Variants in FCRLB observed in about 807,000 individuals in gnomAD.
FCRLB encodes Fc receptor like B.
FCRLB carries 34 observed loss-of-function variants against 33.6 expected under a neutral mutation model. That is an observed-to-expected ratio of 1.01 (90% CI 0.77 to 1.35). FCRLB has a LOEUF of 1.35. Ranked by LOEUF, FCRLB falls within the 40% of genes most tolerant of loss-of-function variation. The pLI, the probability that FCRLB is intolerant of heterozygous loss-of-function variation, is 0.00. For synonymous variants in FCRLB, 280 were observed against 255.9 expected (o/e 1.09, Z -0.90); for missense variants, 560 against 580.2 (o/e 0.97, Z 0.36).
At chr1:161,727,742 A>C (rs1683651330) in exon 8 of FCRLB, 1 of 1,449,994 alleles carries the variant, frequency 6.9e-7, no homozygotes, top group South Asian at 1.4e-5. Context: ...TTTCAAAGCC[A>C]TCTGTTTGCA....
chr1:161,726,921 T>C lies in FCRLB; in HGVS notation c.793T>C (p.Tyr265His). The change falls in exon 7 of 8, where the codon TAC (tyrosine) becomes CAC (histidine). Residue 265 changes from tyrosine (Y) to histidine (H), a missense_variant. Transcript: ENST00000367948. This position sits in a 1 kb window ranked among gnomAD's most constrained non-coding sequence, Gnocchi z 5.2. ...GCCCGAGGTCGAGGAGCTCGAATCG[T>C]ACTGGTGCGAGGCGGCTACCGCCAC... 1 of 1,576,558 alleles carries C rather than the reference T, an allele frequency of 6.3e-7. No individual in the cohort carries two copies. Among genetic ancestry groups the C allele is most frequent in the Non-Finnish European group, 8.6e-7 (1 of 1,160,976 alleles).
exon 5 of FCRLB, chr1:161,723,555 G>C: frequency 6.2e-7 from 1 of 1,614,218 alleles, no homozygotes; most frequent in Non-Finnish European, 8.5e-7. Flanking sequence ...GCAGACACCA[G>C]GGGTGTATCG....
chr1:161,726,290 G>A lies in FCRLB; in HGVS notation c.574+203G>A, dbSNP rs767361611. On this transcript the variant is annotated intron_variant, in intron 6 of 7. Coordinates refer to ENST00000367948, the Ensembl canonical transcript of FCRLB. This position sits in a 1 kb window ranked among gnomAD's most constrained non-coding sequence, Gnocchi z 5.2. ...TGCTTGGAGGCTGGTCCCTTTCCCC[G>A]ACGCACATCCTGGCTTCTCACTCTG... 3 of 947,152 alleles carry A rather than the reference G, an allele frequency of 3.2e-6. No homozygotes were observed. Among genetic ancestry groups the A allele is most frequent in the African/African-American group, 1.6e-5 (1 of 61,604 alleles). The allele number at this position is 947,152 out of a possible 1,614,324, so 58.7% of individuals were successfully genotyped here. A position where few individuals can be genotyped will look rare whatever the true frequency, so the allele number is the denominator to read the frequency against.
chr1:161,725,862 G>A (rs979477549), exon 6 of FCRLB: 1 of 1,613,964 alleles, frequency 6.2e-7, no homozygotes, highest in Non-Finnish European at 8.5e-7. Flanking sequence ...AGTGTTCGAG[G>A]GTGAGCCGCT....
At chr1:161,724,824 A>G (rs933655602) in intron 5 of FCRLB, among the ~76,000 whole-genome samples, 1 of 152,186 alleles carries the variant, frequency 6.6e-6, no homozygotes. Context: ...GCGTGCTATA[A>G]TGATCACAGG....
chr1:161,727,300 T>C, exon 8 of FCRLB: 1 of 1,613,552 alleles, frequency 6.2e-7, no homozygotes, highest in Non-Finnish European at 8.5e-7. Flanking sequence ...GGCCGCAGCC[T>C]TGGCTCCTGG....
chr1:161,721,786 G>A (rs1004232521), exon 2 of FCRLB: 9 of 152,194 alleles, frequency 5.9e-5, no homozygotes, highest in African/African-American at 2.2e-4. Flanking sequence ...AGCACAAGAA[G>A]TAGAGCCCCG....
intron 5 of FCRLB, among the ~76,000 whole-genome samples, chr1:161,724,020 T>C (rs12729592): frequency 0.15 from 23,444 of 152,090 alleles, 2,346 homozygotes; most frequent in East Asian, 0.51. Flanking sequence ...AGATCAAGGA[T>C]CTACTCTCAG....
chr1:161,723,602 C>G (rs1683447212), exon 5 of FCRLB: 1 of 1,613,928 alleles, frequency 6.2e-7, no homozygotes, highest in Non-Finnish European at 8.5e-7. Flanking sequence ...GTGACCCCAT[C>G]CACCTCTCTG....
chr1:161,722,823 T>TTGGAGGGGTGAAGAAGAA, intron 3 of FCRLB, 120 bp downstream of exon 3: 1 of 1,504,626 alleles, frequency 6.6e-7, no homozygotes, highest in Non-Finnish European at 9.1e-7. Flanking sequence ...TTATCTTTTT[T>TTGGAGGGGTGAAGAAGAA]TGGAGGGGTG....
exon 8 of FCRLB, chr1:161,727,468 T>TCAG: frequency 6.2e-7 from 1 of 1,614,010 alleles, no homozygotes; most frequent in Non-Finnish European, 8.5e-7. Context: ...CTTGGAACAA[T>TCAG]CGGCTGGAGC....
exon 6 of FCRLB, chr1:161,725,910 T>C (rs917789524): frequency 6.2e-7 from 1 of 1,614,244 alleles, no homozygotes; most frequent in Non-Finnish European, 8.5e-7. Context: ...CAAGGTGGTC[T>C]ACAAGCTTCA....
intron 7 of FCRLB, 123 bp downstream of exon 7, chr1:161,727,116 C>T (rs111734758): frequency 6.7e-6 from 9 of 1,338,508 alleles, no homozygotes; most frequent in Non-Finnish European, 7.8e-6. Flanking sequence ...TCCCATCTCC[C>T]CTTCGCCGCC....
rs2101679762 is a variant in FCRLB at position 161,726,767 on chromosome 1, T to C, written c.639T>C (p.Gly213=). 6.3e-7 allele frequency: 1 copy of C among 1,582,634 alleles called. No homozygotes were observed. Among genetic ancestry groups the C allele is most frequent in the Non-Finnish European group, 8.6e-7 (1 of 1,167,816 alleles). Reference sequence around the variant, plus strand: ...GGGAGGCCCGCGGCGCGGCGCTGGGTGGGGTGGTGCTGCGCTGCGACACGC... The same window carrying C: ...GGGAGGCCCGCGGCGCGGCGCTGGGCGGGGTGGTGCTGCGCTGCGACACGC... The change falls in exon 7 of 8, where the codon GGT becomes GGC. Residue 213 remains glycine (G), a synonymous_variant. Coordinates refer to ENST00000367948, the Ensembl canonical transcript of FCRLB. This position sits in a 1 kb window ranked among gnomAD's most constrained non-coding sequence, Gnocchi z 5.2.
At position 161,723,452 on chromosome 1, in the gene FCRLB, A is replaced by AGC. The variant is rs1291555535; in HGVS notation, c.138_139insGC (p.Tyr47AlafsTer60). ...AGCGGGTAACTTTGAAGTGTGATGG[A>AGC]TACCACCCACTGCTCCTGGAGCTCC... On this transcript the variant is annotated frameshift_variant, in exon 5 of 8. Coordinates refer to ENST00000367948, the Ensembl canonical transcript of FCRLB. LOFTEE classifies it high-confidence loss of function. 2 of 1,614,120 alleles carry AGC rather than the reference A, an allele frequency of 1.2e-6. No individual in the cohort carries two copies. Among genetic ancestry groups the AGC allele is most frequent in the Non-Finnish European group, 1.7e-6 (2 of 1,180,018 alleles).
rs575631767 is a variant in FCRLB, at chr1:161,724,358, G to T, written c.307+737G>T. ...TGATCCCAGCACTTTGGGAGGCCAA[G>T]GCGGGCAGATCACCTGAGGTCAGGA... On this transcript the variant is annotated intron_variant, in intron 5 of 7. Transcript: ENST00000367948. 8.6e-5 allele frequency among the ~76,000 whole-genome samples: 13 copies of T among 150,814 alleles called. 1 individual carries two copies. In the South Asian group the frequency reaches 2.7e-3, roughly 31 times the overall value.
intron 5 of FCRLB, 98 bp downstream of exon 5, chr1:161,723,719 G>C: frequency 6.6e-7 from 1 of 1,519,434 alleles, no homozygotes; most frequent in Non-Finnish European, 8.8e-7. Context: ...CCAAGGTGCA[G>C]GAAACAAGGG....
exon 8 of FCRLB, chr1:161,727,874 A>G: frequency 3.4e-6 from 2 of 588,536 alleles, no homozygotes; most frequent in Non-Finnish European, 5.9e-6. Context: ...GAATTCAGCA[A>G]GAAGTAGAAA....
chr1:161,726,537 G>A lies in FCRLB; in HGVS notation c.575-166G>A, dbSNP rs1440337637. 9.0e-6 allele frequency: 9 copies of A among 996,246 alleles called. No individual in the cohort carries two copies. The highest frequency in any genetic ancestry group is 1.4e-5 in the Non-Finnish European group (9 of 654,388). 61.7% of individuals were successfully genotyped at this position (996,246 alleles called of 1,614,324 possible). A position where few individuals can be genotyped will look rare whatever the true frequency, so the allele number is the denominator to read the frequency against. ...CGTCCCTCGTGGACTCGGTCCCCCT[G>A]CCCCACATTTCAGAAGGCTCCCCTT... On this transcript the variant is annotated intron_variant, in intron 6 of 7. Transcript: ENST00000367948. This position sits in a 1 kb window ranked among gnomAD's most constrained non-coding sequence, Gnocchi z 5.2.
Sources: allele counts gnomAD v4.1 joint callset (sites outside exome capture counted in the v4.1 genomes callset), GRCh38; gene constraint gnomAD v4.1.1; non-coding constraint Gnocchi (gnomAD v3.1); transcripts MANE v1.5; gene names NCBI Gene and HGNC (gene_info 2026-07-23, HGNC 2026-07-21).